ZNF385D: variants seen among roughly 807,000 people sequenced by gnomAD.
ZNF385D encodes zinc finger protein 659.
Under a neutral mutation model 35.8 loss-of-function variants are expected in ZNF385D, and 15 were observed. The observed-to-expected ratio is 0.42, with a 90% CI of 0.28 to 0.64. ZNF385D has a LOEUF of 0.64. ZNF385D is among the 30% of genes least tolerant of loss of function. ZNF385D has a pLI of 0.23. For missense variants in ZNF385D, 474 were observed against 494.6 expected, an observed-to-expected ratio of 0.96 and a Z score of 0.39; for synonymous variants, 212 against 186.8, an observed-to-expected ratio of 1.13 and a Z score of -1.10.
intron 2 of ZNF385D, among the ~76,000 whole-genome samples, chr3:22,327,328 T>G (rs1694724888): frequency 6.6e-6 from 1 of 152,040 alleles, no homozygotes; most frequent in African/African-American, 2.4e-5. Flanking sequence ...ATAAGAAATG[T>G]AAATTTTCTA....
chr3:22,093,139 A>G (rs1701418244), intron 3 of ZNF385D, among the ~76,000 whole-genome samples: 1 of 152,124 alleles, frequency 6.6e-6, no homozygotes, highest in South Asian at 2.1e-4. Flanking sequence ...TGCATTTAAT[A>G]AAGAGTTAGA....
intron 3 of ZNF385D, among the ~76,000 whole-genome samples, chr3:22,127,317 C>CCTTTTTTTTT (rs1703492425): frequency 8.9e-5 from 5 of 56,334 alleles, no homozygotes; most frequent in African/African-American, 3.9e-4. Flanking sequence ...TCATTTCCTG[C>CCTTTTTTTTT]TTTTTTTTTT....
intron 2 of ZNF385D, among the ~76,000 whole-genome samples, chr3:22,175,691 G>A (rs1010841409): frequency 5.9e-5 from 9 of 151,316 alleles, no homozygotes; most frequent in African/African-American, 1.7e-4. Context: ...CCTTGTATTA[G>A]GATTTAGAGA....
intron 3 of ZNF385D, among the ~76,000 whole-genome samples, chr3:22,002,609 G>A (rs1345299566): frequency 6.6e-6 from 1 of 152,032 alleles, no homozygotes; most frequent in Non-Finnish European, 1.5e-5. Flanking sequence ...ACCAAAACCA[G>A]ACAAGGGCAC....
At position 21,932,659 on chromosome 3, in the gene ZNF385D, A is replaced by C. The variant is rs575016646; in HGVS notation, c.325+236158T>G. On this transcript the variant is annotated intron_variant, in intron 3 of 5. Coordinates refer to the ZNF385D transcript ENST00000494108. ...TTAAGAAAGTTAAGGAGGTTAAAAA[A>C]ACCCCACATGCTGGAATAGTAAGCC... is the stretch of plus-strand genomic sequence containing the variant. Among the ~76,000 whole-genome samples the C allele has an allele frequency of 1.6e-3, 248 of 152,040 alleles. 2 individuals carry two copies. The highest frequency in any genetic ancestry group is 3.4e-3 in the Middle Eastern group (1 of 292).
chr3:21,712,261 C>A (rs77680817), intron 1 of ZNF385D, among the ~76,000 whole-genome samples: 1 of 152,176 alleles, frequency 6.6e-6, no homozygotes, highest in African/African-American at 2.4e-5. Context: ...TACACGTCTA[C>A]TTCTAAGCCA....
intron 3 of ZNF385D, among the ~76,000 whole-genome samples, chr3:21,999,213 T>G (rs1283862962): frequency 2.0e-5 from 3 of 152,196 alleles, no homozygotes; most frequent in Non-Finnish European, 4.4e-5. Context: ...TGCATTAAAA[T>G]GTCAAATAGC....
chr3:21,592,744 A>C (rs2064019859), intron 2 of ZNF385D, among the ~76,000 whole-genome samples: 1 of 152,298 alleles, frequency 6.6e-6, no homozygotes, highest in South Asian at 2.1e-4. Flanking sequence ...CAACAGGTAC[A>C]TTTCAAGAAT....
chr3:21,992,363 A>C (rs887437398), intron 3 of ZNF385D, among the ~76,000 whole-genome samples: 3 of 152,168 alleles, frequency 2.0e-5, no homozygotes, highest in African/African-American at 7.2e-5. Context: ...ACAAGATAGA[A>C]GACATACAAA....
chr3:21,783,018 C>T (rs1056435634), intron 3 of ZNF385D, among the ~76,000 whole-genome samples: 13 of 152,104 alleles, frequency 8.5e-5, no homozygotes, highest in African/African-American at 2.4e-4. Flanking sequence ...CTACTTATAG[C>T]CCTGACCCTT....
intron 2 of ZNF385D, among the ~76,000 whole-genome samples, chr3:22,186,699 C>G (rs950464768): frequency 3.3e-5 from 5 of 151,984 alleles, no homozygotes; most frequent in Non-Finnish European, 7.4e-5. Context: ...ATCTCAGCAT[C>G]TTACTTAATT....
intron 3 of ZNF385D, among the ~76,000 whole-genome samples, chr3:22,104,743 G>A (rs755963364): frequency 2.6e-5 from 4 of 152,126 alleles, no homozygotes; most frequent in Non-Finnish European, 5.9e-5. Context: ...GAATTGTTAT[G>A]GGAGATAAAT....
intron 1 of ZNF385D, among the ~76,000 whole-genome samples, chr3:21,746,823 C>A (rs544282243): frequency 5.9e-5 from 9 of 152,268 alleles, no homozygotes; most frequent in African/African-American, 1.7e-4. Flanking sequence ...GCTTTCTGAT[C>A]GTTTCCTTCC....
intron 1 of ZNF385D, among the ~76,000 whole-genome samples, chr3:21,746,068 C>A (rs183146019): frequency 1.3e-5 from 2 of 152,272 alleles, no homozygotes; most frequent in Admixed American, 1.3e-4. Flanking sequence ...ATTAAACACA[C>A]ACACACCAAC....
At position 22,156,345 on chromosome 3, in the gene ZNF385D, G is replaced by C. The variant is rs144394574; in HGVS notation, c.325+12472C>G. ...TAAAACTTGATGGTCAGAATGCCAA[G>C]CAAAAGAGCAAGACCAGATGCAAAC... is the stretch of plus-strand genomic sequence containing the variant. On this transcript the variant is annotated intron_variant, in intron 3 of 5. Transcript: ENST00000494108. Among the ~76,000 whole-genome samples the C allele has an allele frequency of 7.1e-3, 1,081 of 152,114 alleles. 5 individuals are homozygous for C. Among genetic ancestry groups the C allele is most frequent in the Middle Eastern group, 0.041 (12 of 294 alleles).
intron 2 of ZNF385D, among the ~76,000 whole-genome samples, chr3:22,257,550 G>A (rs936491539): frequency 4.6e-5 from 7 of 151,470 alleles, no homozygotes; most frequent in East Asian, 1.9e-4. Flanking sequence ...AATTTCATAC[G>A]TGGTTTTCTT....
At chr3:21,833,338 AAATT>A (rs1371067172) in intron 3 of ZNF385D, among the ~76,000 whole-genome samples, 1 of 152,198 alleles carries the variant, frequency 6.6e-6, no homozygotes, top group African/African-American at 2.4e-5. Context: ...AGATACAAAT[AAATT>A]AAGGATCTTA....
chr3:22,132,696 A>G (rs1703872222), intron 3 of ZNF385D, among the ~76,000 whole-genome samples: 1 of 152,092 alleles, frequency 6.6e-6, no homozygotes, highest in African/African-American at 2.4e-5. Flanking sequence ...TTAATATTTC[A>G]GATTGTTTAA....
intron 3 of ZNF385D, among the ~76,000 whole-genome samples, chr3:21,511,957 G>A (rs1707247740): frequency 6.6e-6 from 1 of 151,322 alleles, no homozygotes. Flanking sequence ...GACTATCCTG[G>A]CCAACATGGT....
Sources: allele counts gnomAD v4.1 joint callset (sites outside exome capture counted in the v4.1 genomes callset), GRCh38; gene constraint gnomAD v4.1.1; transcripts MANE v1.5; gene names NCBI Gene and HGNC (gene_info 2026-07-23, HGNC 2026-07-21).